Variants in PXDNL observed in about 807,000 individuals in gnomAD.
PXDNL encodes peroxidasin like, also known as probable oxidoreductase PXDNL.
In PXDNL, 145 loss-of-function variants were observed where a neutral mutation model predicts 150.8. That is an observed-to-expected ratio of 0.96 (90% CI 0.84 to 1.10). The LOEUF (loss-of-function observed/expected upper bound fraction) is 1.10, where lower values mean the gene tolerates loss of function less well. Among genes scored for constraint, PXDNL ranks in the 50% least tolerant of loss-of-function variants. PXDNL has a pLI of 0.00. For missense variants in PXDNL, 2,087 were observed against 1,873.9 expected, an observed-to-expected ratio of 1.11 and a Z score of -2.10; for synonymous variants, 757 against 725.7, an observed-to-expected ratio of 1.04 and a Z score of -0.69.
chr8:51,743,149 C>T (rs771129573), intron 1 of PXDNL, among the ~76,000 whole-genome samples: 35 of 152,184 alleles, frequency 2.3e-4, no homozygotes, highest in Non-Finnish European at 4.1e-4. Context: ...TAAAAGTACA[C>T]TACCTGGAAA....
intron 19 of PXDNL, among the ~76,000 whole-genome samples, chr8:51,348,586 T>C (rs1324540978): frequency 6.6e-6 from 1 of 152,246 alleles, no homozygotes; most frequent in Non-Finnish European, 1.5e-5. Context: ...GCAATGTTAG[T>C]ATAGTAGATG....
At chr8:51,370,700 G>T (rs1307131631) in intron 19 of PXDNL, among the ~76,000 whole-genome samples, 1 of 152,158 alleles carries the variant, frequency 6.6e-6, no homozygotes, top group Non-Finnish European at 1.5e-5. Context: ...GGGTTCAAGC[G>T]ATTCTCTTGC....
At chr8:51,476,932 A>G (rs879892299) in intron 6 of PXDNL, among the ~76,000 whole-genome samples, 49 of 152,230 alleles carry the variant, frequency 3.2e-4, no homozygotes, top group African/African-American at 9.9e-4. Context: ...GTCCTTACAA[A>G]CATGGAAAAA....
At chr8:51,331,509 G>T (rs1011177986) in intron 21 of PXDNL, among the ~76,000 whole-genome samples, 1 of 152,170 alleles carries the variant, frequency 6.6e-6, no homozygotes, top group East Asian at 1.9e-4. Context: ...GCGTGAATCC[G>T]GCTTACAGAC....
chr8:51,327,419 C>T (rs1563358854), intron 21 of PXDNL, among the ~76,000 whole-genome samples: 4 of 152,146 alleles, frequency 2.6e-5, no homozygotes, highest in Admixed American at 6.5e-5. Context: ...GAAACAGTTA[C>T]GGAAAATTTA....
intron 17 of PXDNL, among the ~76,000 whole-genome samples, chr8:51,396,054 C>T (rs1461769949): frequency 6.6e-6 from 1 of 152,214 alleles, no homozygotes; most frequent in Non-Finnish European, 1.5e-5. Flanking sequence ...TGGATCTTAG[C>T]TGCACTTGGC....
intron 12 of PXDNL, among the ~76,000 whole-genome samples, chr8:51,432,503 T>A (rs923147135): frequency 1.3e-5 from 2 of 152,262 alleles, no homozygotes; most frequent in African/African-American, 4.8e-5. Context: ...AGAATTAGCA[T>A]CTTTACAATA....
intron 4 of PXDNL, among the ~76,000 whole-genome samples, chr8:51,538,536 C>T (rs573793731): frequency 2.0e-5 from 3 of 152,008 alleles, no homozygotes; most frequent in East Asian, 3.9e-4. Flanking sequence ...GAGGCTGAGG[C>T]GGGTGGATCA....
At position 51,573,230 on chromosome 8, in the gene PXDNL, T is replaced by C. The variant is rs930910401; in HGVS notation, c.309-16319A>G. 1.3e-4 allele frequency among the ~76,000 whole-genome samples: 20 copies of C among 152,118 alleles called. No homozygotes were observed. The East Asian group carries it at 3.9e-3, about 30-fold the overall frequency. ...GATCCTCACACTTGTGAGGCTATAT[T>C]GAGGCACCCAACACCCCCATAGCTG... On this transcript the variant is annotated intron_variant, in intron 3 of 22. Transcript: ENST00000356297.
chr8:51,776,925 G>C (rs759038921), intron 1 of PXDNL, among the ~76,000 whole-genome samples: 17 of 152,188 alleles, frequency 1.1e-4, no homozygotes, highest in Middle Eastern at 6.8e-3. Flanking sequence ...AACAAATGTA[G>C]ACATAGACAG....
chr8:51,544,890 A>G (rs144801887), intron 4 of PXDNL, among the ~76,000 whole-genome samples: 2,828 of 149,508 alleles, frequency 0.019, 38 homozygotes, highest in African/African-American at 0.036. Context: ...AATAAGAAAC[A>G]TTAAAATAAA....
intron 19 of PXDNL, among the ~76,000 whole-genome samples, chr8:51,355,372 A>G (rs1806474804): frequency 6.6e-6 from 1 of 152,224 alleles, no homozygotes; most frequent in Non-Finnish European, 1.5e-5. Flanking sequence ...CAATTACTTG[A>G]TGCTCTAAAG....
intron 3 of PXDNL, among the ~76,000 whole-genome samples, chr8:51,585,056 A>G (rs1813294034): frequency 6.6e-6 from 1 of 152,178 alleles, no homozygotes; most frequent in Admixed American, 6.5e-5. Context: ...AGAAAATGTG[A>G]GAAGGCCAAT....
At chr8:51,529,073 G>A (rs1317402403) in intron 4 of PXDNL, among the ~76,000 whole-genome samples, 1 of 152,110 alleles carries the variant, frequency 6.6e-6, no homozygotes, top group Admixed American at 6.5e-5. Context: ...TAAACATTAT[G>A]GACGATGTCA....
chr8:51,394,772 T>G (rs1409723457), intron 17 of PXDNL, among the ~76,000 whole-genome samples: 1 of 152,170 alleles, frequency 6.6e-6, no homozygotes, highest in Non-Finnish European at 1.5e-5. Context: ...GTGCCCTCTT[T>G]TATTCTCAAA....
chr8:51,683,146 C>T lies in PXDNL; in HGVS notation c.165-28386G>A, dbSNP rs551753115. ...GGGTTCCAATTTCTCCACATCCTTA[C>T]TAACACCAATTGTCTTTCATATATA... On this transcript the variant is annotated intron_variant, in intron 1 of 22. Coordinates refer to ENST00000356297, the MANE Select transcript of PXDNL (RefSeq NM_144651.5). Among the ~76,000 whole-genome samples the T allele has an allele frequency of 1.5e-3, 184 of 121,078 alleles. 1 individual carries two copies. Among genetic ancestry groups the T allele is most frequent in the African/African-American group, 5.4e-3 (178 of 32,996 alleles). The allele number at this position is 121,078 out of a possible 152,430, so 79.4% of individuals were successfully genotyped here.
chr8:51,465,823 A>G (rs986896692), intron 8 of PXDNL, among the ~76,000 whole-genome samples: 5 of 152,296 alleles, frequency 3.3e-5, no homozygotes, highest in Admixed American at 1.3e-4. Flanking sequence ...AAAAATATCT[A>G]GAACTACATC....
chr8:51,469,452 C>T (rs962464670), intron 8 of PXDNL, among the ~76,000 whole-genome samples: 1 of 152,034 alleles, frequency 6.6e-6, no homozygotes, highest in African/African-American at 2.4e-5. Context: ...GGAACTCCTA[C>T]TGGATAGACA....
In PXDNL at chr8:51,654,731, A is replaced by T. The variant is rs115225788; in HGVS notation, c.194T>A (p.Ile65Asn). Residue 65 changes from isoleucine (I) to asparagine (N), a missense_variant, in exon 2 of 23, where the codon ATT (isoleucine) becomes AAT (asparagine). Physicochemically the swap from Ile to Asn is moderately radical, Grantham distance 149. Transcript: ENST00000356297. ...GAGTTTCTTGAAGGCGCTCCCTGGA[A>T]TTTCTCTTATTCTGTTAAACCTCAA... Reference protein sequence around the residue: ...LDLRFNRIREIPGSAFKKLKN... With the variant: ...LDLRFNRIRENPGSAFKKLKN... The T allele has an allele frequency of 5.8e-4, 938 of 1,613,410 alleles. 4 individuals are homozygous for T. The African/African-American group carries it at 0.011, about 19-fold the overall frequency.
Sources: allele counts gnomAD v4.1 joint callset (sites outside exome capture counted in the v4.1 genomes callset), GRCh38; gene constraint gnomAD v4.1.1; transcripts MANE v1.5; gene names NCBI Gene and HGNC (gene_info 2026-07-23, HGNC 2026-07-21).